Variants in ANKS1B observed in about 807,000 individuals in gnomAD.
ANKS1B encodes the protein ankyrin repeat and sterile alpha motif domain containing 1B, also known as ankyrin repeat and sterile alpha motif domain-containing protein 1B.
In ANKS1B, 36 loss-of-function variants were observed where a neutral mutation model predicts 148.3. The ratio of observed to expected loss-of-function variants is 0.24; its 90% CI spans 0.19 to 0.32. The LOEUF (loss-of-function observed/expected upper bound fraction) is 0.32, where lower values mean the gene tolerates loss of function less well. Ranked by LOEUF, ANKS1B falls within the 10% of genes least tolerant of loss-of-function variation. ANKS1B has a pLI of 1.00. For missense variants in ANKS1B, 1,157 were observed against 1,542.6 expected (o/e 0.75, Z 4.19); for synonymous variants, 542 against 560.8 (o/e 0.97, Z 0.47).
At chr12:99,393,298 C>T (rs2094139672) in intron 12 of ANKS1B, among the ~76,000 whole-genome samples, 1 of 152,142 alleles carries the variant, frequency 6.6e-6, no homozygotes. Context: ...AAAGGTTTCA[C>T]ATGAGAATGA....
intron 10 of ANKS1B, among the ~76,000 whole-genome samples, chr12:99,478,591 A>G (rs1377082146): frequency 6.6e-6 from 1 of 152,128 alleles, no homozygotes; most frequent in Non-Finnish European, 1.5e-5. Context: ...GGTGTGACCT[A>G]TGATGTTCGG....
At chr12:99,023,961 ATAGT>A (rs1228503692) in intron 17 of ANKS1B, among the ~76,000 whole-genome samples, 3 of 150,162 alleles carry the variant, frequency 2.0e-5, no homozygotes, top group Non-Finnish European at 3.0e-5. Context: ...ACTTTAATTT[ATAGT>A]TAATTTAATT....
intron 17 of ANKS1B, among the ~76,000 whole-genome samples, chr12:98,854,821 T>C (rs1041077568): frequency 2.0e-5 from 3 of 152,192 alleles, no homozygotes; most frequent in African/African-American, 7.2e-5. Flanking sequence ...TCATTCAACA[T>C]TTCACTCATT....
chr12:98,743,931 A>G (rs999503728), downstream of ANKS1B: 2 of 905,436 alleles, frequency 2.2e-6, no homozygotes, highest in African/African-American at 3.6e-5. Flanking sequence ...CTGCTCCTAA[A>G]TGGGAGTGGG....
At chr12:98,756,177 C>T (rs1035535396) in intron 25 of ANKS1B, among the ~76,000 whole-genome samples, 2 of 152,090 alleles carry the variant, frequency 1.3e-5, no homozygotes, top group Non-Finnish European at 2.9e-5. Context: ...CCATAATTCC[C>T]ACGTGTTGTG....
At chr12:98,757,554 G>C (rs7954349) in intron 25 of ANKS1B, among the ~76,000 whole-genome samples, 146,449 of 152,248 alleles carry the variant, frequency 0.96, 70,489 homozygotes, top group East Asian at 1. Context: ...GGAGCCACCC[G>C]GTCCCCTGGC....
intron 17 of ANKS1B, among the ~76,000 whole-genome samples, chr12:98,961,037 G>A (rs913533604): frequency 2.6e-5 from 4 of 152,306 alleles, no homozygotes; most frequent in African/African-American, 9.6e-5. Flanking sequence ...AAAAGGGCAA[G>A]TGTAAGTGTT....
intron 17 of ANKS1B, among the ~76,000 whole-genome samples, chr12:99,036,478 C>A (rs1221331885): frequency 6.6e-6 from 1 of 152,200 alleles, no homozygotes. Context: ...ATGCATCTTA[C>A]AATCCACAGT....
At chr12:99,249,323 T>C (rs985676338) in intron 12 of ANKS1B, among the ~76,000 whole-genome samples, 3 of 152,268 alleles carry the variant, frequency 2.0e-5, no homozygotes, top group East Asian at 3.9e-4. Flanking sequence ...CGTAATATTA[T>C]TTAAAGTTTT....
chr12:99,104,581 T>C (rs769268660), intron 15 of ANKS1B: 3 of 152,224 alleles, frequency 2.0e-5, no homozygotes, highest in African/African-American at 7.2e-5. Context: ...ACAATGTGAA[T>C]AGGCATCGTT....
At chr12:99,331,046 T>TG (rs1342467787) in intron 12 of ANKS1B, among the ~76,000 whole-genome samples, 2 of 151,796 alleles carry the variant, frequency 1.3e-5, no homozygotes, top group Non-Finnish European at 1.5e-5. Context: ...TTGCTAGGGG[T>TG]GGGAAAAAAG....
At position 99,116,102 on chromosome 12, in the gene ANKS1B, C is replaced by T. The variant is rs573148550; in HGVS notation, c.2527-31079G>A. Among the ~76,000 whole-genome samples the T allele has an allele frequency of 6.6e-5, 10 of 152,224 alleles. No individual in the cohort carries two copies. The East Asian group carries it at 1.9e-3, about 29-fold the overall frequency. Reference sequence around the variant, plus strand: ...CAATAGTTTCTATTGTGTAGGATTGCTGCAAGGATTAGTGAATTTTATGTG... The same window carrying T: ...CAATAGTTTCTATTGTGTAGGATTGTTGCAAGGATTAGTGAATTTTATGTG... On this transcript the variant is annotated intron_variant, in intron 15 of 26. Transcript: ENST00000683438.
chr12:99,174,468 C>A (rs912866732), intron 14 of ANKS1B, among the ~76,000 whole-genome samples: 7 of 152,140 alleles, frequency 4.6e-5, no homozygotes, highest in African/African-American at 1.7e-4. Flanking sequence ...CATCTGGGTG[C>A]TTTTTATGCT....
At chr12:99,772,421 C>T (rs1050241080) in intron 8 of ANKS1B, among the ~76,000 whole-genome samples, 15 of 152,068 alleles carry the variant, frequency 9.9e-5, no homozygotes, top group African/African-American at 3.6e-4. Context: ...AGATTCTGAG[C>T]TTATCAAAGA....
intron 1 of ANKS1B, among the ~76,000 whole-genome samples, chr12:99,850,621 C>T (rs1232309202): frequency 3.3e-5 from 5 of 151,900 alleles, no homozygotes; most frequent in African/African-American, 1.2e-4. Flanking sequence ...TAGTTAGATG[C>T]ATTTTATAAT....
intron 17 of ANKS1B, among the ~76,000 whole-genome samples, chr12:99,027,074 T>C (rs949031769): frequency 3.3e-5 from 5 of 152,336 alleles, no homozygotes; most frequent in Admixed American, 2.0e-4. Context: ...TCTCAAATAA[T>C]AGAGATCCAG....
chr12:99,904,417 C>A (rs1286462287), intron 1 of ANKS1B, among the ~76,000 whole-genome samples: 4 of 152,144 alleles, frequency 2.6e-5, no homozygotes, highest in Non-Finnish European at 5.9e-5. Flanking sequence ...GTCTCAAATG[C>A]CTGACCTCAG....
At chr12:99,785,437 C>A (rs11110037) in intron 4 of ANKS1B, among the ~76,000 whole-genome samples, 2 of 149,060 alleles carry the variant, frequency 1.3e-5, no homozygotes, top group East Asian at 3.9e-4. Flanking sequence ...TTTTTTTTTT[C>A]TGTTTTTCTT....
At chr12:99,445,914 G>T (rs2095629981) in intron 10 of ANKS1B, among the ~76,000 whole-genome samples, 1 of 151,732 alleles carries the variant, frequency 6.6e-6, no homozygotes, top group African/African-American at 2.4e-5. Context: ...GTAGAAATGG[G>T]GTTTCGCCAT....
Sources: allele counts gnomAD v4.1 joint callset (sites outside exome capture counted in the v4.1 genomes callset), GRCh38; gene constraint gnomAD v4.1.1; transcripts MANE v1.5; gene names NCBI Gene and HGNC (gene_info 2026-07-23, HGNC 2026-07-21).